NBAS: variants seen among roughly 807,000 people sequenced by gnomAD.
The protein encoded by NBAS is NAG/BC035112 fusion.
A neutral mutation model predicts 302.5 loss-of-function variants in NBAS; 219 were observed. That is an observed-to-expected ratio of 0.72 (90% CI 0.65 to 0.81). The LOEUF is 0.81. NBAS is among the 30% of genes least tolerant of loss of function. The pLI is 0.00. For missense variants in NBAS, 2,932 were observed against 2,841.6 expected, an observed-to-expected ratio of 1.03 and a Z score of -0.72; for synonymous variants, 1,118 against 1,021.6, an observed-to-expected ratio of 1.09 and a Z score of -1.80.
chr2:15,437,389 C>T (rs1282170997), intron 21 of NBAS, among the ~76,000 whole-genome samples: 1 of 152,118 alleles, frequency 6.6e-6, no homozygotes, highest in Non-Finnish European at 1.5e-5. Context: ...AGGTTGTTTG[C>T]CCTGAGATAC....
the NBAS span, among the ~76,000 whole-genome samples, chr2:14,972,461 C>T: frequency 1.4e-4 from 21 of 152,154 alleles, no homozygotes; most frequent in East Asian, 3.9e-4. Flanking sequence ...TGTCAATCAA[C>T]GTTTGTCAAA....
chr2:14,793,060 GTC>G, the NBAS span, among the ~76,000 whole-genome samples: 2 of 139,458 alleles, frequency 1.4e-5, no homozygotes, highest in Non-Finnish European at 3.1e-5. Context: ...TTCTTTCTCT[GTC>G]TCTGTTTCTC....
the NBAS span, among the ~76,000 whole-genome samples, chr2:14,791,475 C>T: frequency 6.6e-6 from 1 of 151,972 alleles, no homozygotes; most frequent in Non-Finnish European, 1.5e-5. Context: ...AATTTTGCAC[C>T]AACCATAAGA....
chr2:15,236,474 A>C (rs1229475389), intron 45 of NBAS, among the ~76,000 whole-genome samples: 1 of 133,350 alleles, frequency 7.5e-6, no homozygotes, highest in Admixed American at 8.8e-5. Flanking sequence ...GCTTGAGCCC[A>C]GGAGGTAGAG....
intron 12 of NBAS, among the ~76,000 whole-genome samples, chr2:15,488,376 A>C (rs1401985723): frequency 6.6e-6 from 1 of 152,176 alleles, no homozygotes; most frequent in African/African-American, 2.4e-5. Flanking sequence ...CTGTCACTAC[A>C]TAACAAAATC....
chr2:15,247,430 A>G (rs1272887691), intron 44 of NBAS, among the ~76,000 whole-genome samples: 1 of 152,188 alleles, frequency 6.6e-6, no homozygotes, highest in Non-Finnish European at 1.5e-5. Flanking sequence ...CAATTAAATG[A>G]CACAGACTGG....
chr2:14,922,657 C>T, the NBAS span, among the ~76,000 whole-genome samples: 1 of 152,212 alleles, frequency 6.6e-6, no homozygotes, highest in Non-Finnish European at 1.5e-5. Flanking sequence ...CTTAAAGACC[C>T]TATCACCAAA....
At chr2:15,392,897 G>A (rs902933556) in intron 28 of NBAS, among the ~76,000 whole-genome samples, 3 of 151,970 alleles carry the variant, frequency 2.0e-5, no homozygotes, top group African/African-American at 7.2e-5. Flanking sequence ...AACACAGCAT[G>A]GTATGGGAAG....
the NBAS span, among the ~76,000 whole-genome samples, chr2:15,091,335 G>A: frequency 1.4e-5 from 2 of 142,046 alleles, no homozygotes; most frequent in Admixed American, 7.2e-5. Flanking sequence ...ATTTTCTTCC[G>A]CCTCTGCCAC....
At chr2:15,030,469 A>G in the NBAS span, among the ~76,000 whole-genome samples, 1 of 152,208 alleles carries the variant, frequency 6.6e-6, no homozygotes, top group Non-Finnish European at 1.5e-5. Flanking sequence ...TGAGTTTCCC[A>G]GGCACAAGAG....
intron 23 of NBAS, among the ~76,000 whole-genome samples, chr2:15,420,526 G>A (rs562222192): frequency 4.9e-4 from 75 of 152,188 alleles, no homozygotes; most frequent in Admixed American, 2.2e-3. Flanking sequence ...TGAATTTTAT[G>A]CCCACAAAAA....
chr2:14,796,919 C>CA, the NBAS span, among the ~76,000 whole-genome samples: 962 of 86,462 alleles, frequency 0.011, 11 homozygotes, highest in South Asian at 0.039. Flanking sequence ...CTAAAAAATA[C>CA]AAAAAAAAAA....
chr2:15,244,355 G>C (rs973831246), intron 44 of NBAS, among the ~76,000 whole-genome samples: 2 of 152,082 alleles, frequency 1.3e-5, no homozygotes, highest in African/African-American at 4.8e-5. Context: ...GAAGTGGGGA[G>C]GTCTTCCCTG....
intron 16 of NBAS, among the ~76,000 whole-genome samples, 156 bp downstream of exon 16, chr2:15,473,065 CT>C (rs1680025525): frequency 6.6e-6 from 1 of 152,128 alleles, no homozygotes; most frequent in African/African-American, 2.4e-5. Flanking sequence ...GCAATAAAAT[CT>C]AACAAAAAGA....
At chr2:15,189,972 G>T (rs1665269442) in intron 49 of NBAS, among the ~76,000 whole-genome samples, 1 of 152,130 alleles carries the variant, frequency 6.6e-6, no homozygotes, top group Non-Finnish European at 1.5e-5. Context: ...AGACAGTCAA[G>T]AAATTTCCTG....
chr2:15,064,302 C>CAAAAAAAAAAAAAAAAAAAAAAAAACAA, the NBAS span, among the ~76,000 whole-genome samples: 1 of 131,394 alleles, frequency 7.6e-6, no homozygotes, highest in Non-Finnish European at 1.6e-5. Context: ...AGAAAAGACT[C>CAAAAAAAAAAAAAAAAAAAAAAAAACAA]AAAAAAAAAA....
the NBAS span, among the ~76,000 whole-genome samples, chr2:14,826,934 A>T: frequency 6.6e-6 from 1 of 152,226 alleles, no homozygotes; most frequent in Non-Finnish European, 1.5e-5. Context: ...ATGCTGGAAT[A>T]TCCAGAGAAT....
At chr2:14,901,024 C>A in the NBAS span, among the ~76,000 whole-genome samples, 13 of 152,272 alleles carry the variant, frequency 8.5e-5, no homozygotes, top group South Asian at 2.7e-3. Context: ...GCCTTGGGGT[C>A]TATCTTAAGG....
At chr2:15,190,092 G>A (rs1202623547) in intron 49 of NBAS, among the ~76,000 whole-genome samples, 172 bp downstream of exon 49, 1 of 152,058 alleles carries the variant, frequency 6.6e-6, no homozygotes, top group Non-Finnish European at 1.5e-5. Context: ...AAGGAGAAAC[G>A]GAAAGACATT....
Sources: allele counts gnomAD v4.1 joint callset (sites outside exome capture counted in the v4.1 genomes callset), GRCh38; gene constraint gnomAD v4.1.1; transcripts MANE v1.5; gene names NCBI Gene and HGNC (gene_info 2026-07-23, HGNC 2026-07-21).